FOXK1: variants seen among roughly 807,000 people sequenced by gnomAD.
FOXK1 encodes forkhead box protein K1.
A neutral mutation model predicts 51.9 loss-of-function variants in FOXK1; 19 were observed. That is an observed-to-expected ratio of 0.37 (90% CI 0.26 to 0.54). The LOEUF (loss-of-function observed/expected upper bound fraction) is 0.54, where lower values mean the gene tolerates loss of function less well. FOXK1 is among the 20% of genes least tolerant of loss of function. The pLI is 0.87. For missense variants in FOXK1, 870 were observed against 1,032.7 expected (o/e 0.84, Z 2.16); for synonymous variants, 537 against 482.6 (o/e 1.11, Z -1.48).
At chr7:4,740,285 C>T (rs1377723624) in intron 1 of FOXK1, among the ~76,000 whole-genome samples, 1 of 152,084 alleles carries the variant, frequency 6.6e-6, no homozygotes, top group Non-Finnish European at 1.5e-5. Flanking sequence ...AAAAAATTAG[C>T]CGGGCGTGGT....
At chr7:4,697,645 T>G (rs1779970020) in intron 1 of FOXK1, among the ~76,000 whole-genome samples, 1 of 152,054 alleles carries the variant, frequency 6.6e-6, no homozygotes, top group Non-Finnish European at 1.5e-5. Context: ...TCTCCACATT[T>G]CTTGTCAGGT....
intron 1 of FOXK1, among the ~76,000 whole-genome samples, chr7:4,712,123 A>G (rs1240789422): frequency 6.6e-6 from 1 of 151,120 alleles, no homozygotes; most frequent in Non-Finnish European, 1.5e-5. Context: ...TTGCCTTTAT[A>G]CCATAAGATG....
In FOXK1 at chr7:4,755,346, A is replaced by G; in HGVS notation, c.1013A>G (p.His338Arg). The change falls in exon 4 of 9, where the codon CAT becomes CGT. Residue 338 changes from histidine (H) to arginine (R), a missense_variant. By Grantham distance (29) the His-to-Arg change is conservative. Around this residue, in one of 3 missense-constraint regions of FOXK1, gnomAD observed 399 missense variants for 475.6 expected, o/e 0.84. Coordinates refer to ENST00000328914, the MANE Select transcript of FOXK1 (RefSeq NM_001037165.2). This position sits in a 1 kb window ranked among gnomAD's most constrained non-coding sequence, Gnocchi z 6.6. The part of the protein sequence containing the change: ...LSGIYAHITK[H>R]YPYYRTADKG... ...GGGATCTACGCCCACATCACCAAGCATTACCCCTACTACCGGACGGCCGAC... is the reference window on the plus strand; with the variant it reads ...GGGATCTACGCCCACATCACCAAGCGTTACCCCTACTACCGGACGGCCGAC... 1 of 1,613,754 alleles carries G rather than the reference A, an allele frequency of 6.2e-7. No individual in the cohort carries two copies. Among genetic ancestry groups the G allele is most frequent in the Non-Finnish European group, 8.5e-7 (1 of 1,180,044 alleles).
rs1490729424 is a variant in FOXK1 at position 4,770,788 on chromosome 7, G to A, written c.*8324G>A. On this transcript the variant is annotated 3_prime_UTR_variant, in exon 9 of 9. Transcript: ENST00000328914. Reference sequence around the variant, plus strand: ...TGCAGGAGGGGTTAAAGCCAATATTGAGTTTTTGTTCTTGTTGTTTTAATC... The same window carrying A: ...TGCAGGAGGGGTTAAAGCCAATATTAAGTTTTTGTTCTTGTTGTTTTAATC... 1 of 151,340 alleles carries A rather than the reference G, an allele frequency of 6.6e-6. No homozygotes were observed. Among genetic ancestry groups the A allele is most frequent in the Non-Finnish European group, 1.5e-5 (1 of 67,928 alleles). The allele number at this position is 151,340 out of a possible 1,614,324, so 9.4% of individuals were successfully genotyped here. A position where few individuals can be genotyped will look rare whatever the true frequency, so the allele number is the denominator to read the frequency against.
intron 1 of FOXK1, among the ~76,000 whole-genome samples, chr7:4,732,755 G>T (rs1780494605): frequency 6.6e-6 from 1 of 152,230 alleles, no homozygotes; most frequent in African/African-American, 2.4e-5. Flanking sequence ...TCGCCCTGTT[G>T]TAGACACACA....
chr7:4,741,910 C>T (rs1780637999), intron 2 of FOXK1, among the ~76,000 whole-genome samples: 1 of 152,248 alleles, frequency 6.6e-6, no homozygotes, highest in African/African-American at 2.4e-5. Context: ...GCACACAGCC[C>T]TGGCCCTGGT....
rs1363898203 is a variant in FOXK1, at chr7:4,766,764, C to T, written c.*4300C>T. On this transcript the variant is annotated 3_prime_UTR_variant, in exon 9 of 9. Transcript: ENST00000328914. This position sits in a 1 kb window ranked among gnomAD's most constrained non-coding sequence, Gnocchi z 5.5. The stretch of plus-strand genomic sequence containing the variant: ...TTCTGTACTGGTTTGAGATCACAGG[C>T]ATCATTCAGCGAATGCTCTTGTGTC... 2.0e-5 allele frequency: 3 copies of T among 152,186 alleles called. No individual in the cohort carries two copies. Among genetic ancestry groups the T allele is most frequent in the Non-Finnish European group, 4.4e-5 (3 of 68,050 alleles). The allele number at this position is 152,186 out of a possible 1,614,324, so 9.4% of individuals were successfully genotyped here.
intron 2 of FOXK1, among the ~76,000 whole-genome samples, 173 bp downstream of exon 2, chr7:4,741,196 C>T (rs1375748070): frequency 6.6e-6 from 1 of 152,200 alleles, no homozygotes; most frequent in Non-Finnish European, 1.5e-5. Context: ...CGTGAATTCT[C>T]TTACAAAGGG....
rs1780958341 is a variant in FOXK1 at position 4,762,987 on chromosome 7, G to A, written c.*523G>A. 1 of 156,770 alleles carries A rather than the reference G, an allele frequency of 6.4e-6. No homozygotes were observed. The highest frequency in any genetic ancestry group is 1.4e-5 in the Non-Finnish European group (1 of 70,510). 9.7% of individuals were successfully genotyped at this position (156,770 alleles called of 1,614,324 possible). A position where few individuals can be genotyped will look rare whatever the true frequency, so the allele number is the denominator to read the frequency against. ...CTCCGCCCGGAACGTGACATAGAGA[G>A]TGTTGGCATTAACTCGGGGGGTGTC... On this transcript the variant is annotated 3_prime_UTR_variant, in exon 9 of 9. Transcript: ENST00000328914. The surrounding 1 kb of genome is among the most constrained non-coding windows in gnomAD (Gnocchi z 5.7).
intron 1 of FOXK1, among the ~76,000 whole-genome samples, chr7:4,716,804 A>G (rs1046839028): frequency 6.6e-6 from 1 of 152,180 alleles, no homozygotes; most frequent in Non-Finnish European, 1.5e-5. Context: ...CACAAAACAG[A>G]TGTCTACAAG....
At chr7:4,697,877 T>C (rs1779973785) in intron 1 of FOXK1, among the ~76,000 whole-genome samples, 1 of 151,736 alleles carries the variant, frequency 6.6e-6, no homozygotes, top group Admixed American at 6.6e-5. Flanking sequence ...CAGACTGGAG[T>C]GCAGTGGCGT....
At chr7:4,689,576 G>A (rs1450025985) in intron 1 of FOXK1, among the ~76,000 whole-genome samples, 1 of 152,166 alleles carries the variant, frequency 6.6e-6, no homozygotes, top group Non-Finnish European at 1.5e-5. Flanking sequence ...CATGTTACCT[G>A]TCTGACCTGA....
In FOXK1 at chr7:4,733,102, G is replaced by C. The variant is rs1459485908; in HGVS notation, c.561-7736G>C. ...TTCACCCTCTTCCTGGATTCTTTCA[G>C]TTAGGACGTAGTTTTGATTTTGCAA... On this transcript the variant is annotated intron_variant, in intron 1 of 8. Transcript: ENST00000328914. This position sits in a 1 kb window ranked among gnomAD's most constrained non-coding sequence, Gnocchi z 5.0. 1.3e-5 allele frequency among the ~76,000 whole-genome samples: 2 copies of C among 152,088 alleles called. No homozygotes were observed. The highest frequency in any genetic ancestry group is 1.3e-4 in the Admixed American group (2 of 15,262).
intron 1 of FOXK1, among the ~76,000 whole-genome samples, chr7:4,713,610 G>C (rs1780201325): frequency 6.6e-6 from 1 of 150,558 alleles, no homozygotes; most frequent in Admixed American, 6.6e-5. Flanking sequence ...TCCTGCCTTA[G>C]CCTCCCGAGT....
Position 4,682,379 on chromosome 7 carries a change from T to G in FOXK1, c.71T>G (p.Val24Gly), listed in dbSNP as rs1212073667. ...LALRSAPCSP[V>G]LCAAAAAAAF... ...CTGCGCTCGGCGCCCTGCAGCCCAG[T>G]GCTGTGCGCCGCAGCCGCCGCCGCC... The change falls in exon 1 of 9, where the codon GTG (valine) becomes GGG (glycine). Residue 24 changes from valine (V) to glycine (G), a missense_variant. Physicochemically the swap from Val to Gly is moderately radical, Grantham distance 109. This residue lies in a region of FOXK1 where 399 missense variants were observed against 475.6 expected (regional missense o/e 0.84). Transcript: ENST00000328914. The surrounding 1 kb of genome is among the most constrained non-coding windows in gnomAD (Gnocchi z 7.6). 2.0e-6 allele frequency: 2 copies of G among 981,502 alleles called. No homozygotes were observed. The highest frequency in any genetic ancestry group is 1.2e-6 in the Non-Finnish European group (1 of 829,286). The allele number at this position is 981,502 out of a possible 1,614,324, so 60.8% of individuals were successfully genotyped here.
chr7:4,718,756 A>T (rs1780270069), intron 1 of FOXK1, among the ~76,000 whole-genome samples: 1 of 152,120 alleles, frequency 6.6e-6, no homozygotes, highest in Non-Finnish European at 1.5e-5. Flanking sequence ...CCTCACCAGC[A>T]TTTGCTGTAT....
At chr7:4,718,706 T>C (rs529960583) in intron 1 of FOXK1, among the ~76,000 whole-genome samples, 11 of 152,350 alleles carry the variant, frequency 7.2e-5, no homozygotes, top group Admixed American at 2.0e-4. Context: ...ATATTTTACC[T>C]TCCTTCCACC....
intron 5 of FOXK1, among the ~76,000 whole-genome samples, chr7:4,757,778 G>T (rs989049087): frequency 6.6e-6 from 1 of 152,004 alleles, no homozygotes; most frequent in African/African-American, 2.4e-5. Flanking sequence ...ATGTGCACAG[G>T]TTGTATGCAA....
At chr7:4,713,489 T>G (rs768636285) in intron 1 of FOXK1, among the ~76,000 whole-genome samples, 3 of 52,576 alleles carry the variant, frequency 5.7e-5, no homozygotes, top group Admixed American at 1.5e-4. Flanking sequence ...AACCACCGTG[T>G]TTTTTTTTTT....
Sources: gnomAD v4.1 joint callset for allele counts (sites outside exome capture counted in the v4.1 genomes callset) on GRCh38, gnomAD v4.1.1 for gene constraint, gnomAD v4.1.1 regional missense constraint, Gnocchi (gnomAD v3.1) non-coding constraint, MANE v1.5 for transcripts, NCBI Gene and HGNC (gene_info 2026-07-23, HGNC 2026-07-21) for gene names.